CCNY: variants seen among roughly 807,000 people sequenced by gnomAD.
The protein encoded by CCNY is cyclin-Y.
Under a neutral mutation model 42.8 loss-of-function variants are expected in CCNY, and 19 were observed. The observed-to-expected ratio is 0.44, with a 90% confidence interval of 0.31 to 0.65. The LOEUF is 0.65. Among genes scored for constraint, CCNY ranks in the 30% least tolerant of loss-of-function variants. The pLI is 0.07. For missense variants in CCNY, 370 were observed against 437.3 expected, an observed-to-expected ratio of 0.85 and a Z score of 1.37; for synonymous variants, 165 against 162.7, an observed-to-expected ratio of 1.01 and a Z score of -0.11.
chr10:35,266,530 A>G (rs2095725711), intron 3 of CCNY, among the ~76,000 whole-genome samples: 1 of 151,978 alleles, frequency 6.6e-6, no homozygotes, highest in Non-Finnish European at 1.5e-5. Context: ...CTCCTGTTCT[A>G]TTACTTCCCC....
At position 35,318,176 on chromosome 10, in the gene CCNY, C is replaced by G. The variant is rs774138822; in HGVS notation, c.-9+67550C>G. ...CCAGGAGTTCTAGGCTGCAGTGAGC[C>G]ATGATTGTGCCACTGCACTCCAGCC... On this transcript the variant is annotated intron_variant, in intron 3 of 11. Coordinates refer to the CCNY transcript ENST00000374706. 2.7e-4 allele frequency among the ~76,000 whole-genome samples: 41 copies of G among 152,004 alleles called. 1 individual carries two copies. The highest frequency in any genetic ancestry group is 1.3e-4 in the Admixed American group (2 of 15,240).
chr10:35,520,448 A>G (rs981591430), intron 4 of CCNY, among the ~76,000 whole-genome samples: 2 of 152,076 alleles, frequency 1.3e-5, no homozygotes, highest in African/African-American at 4.8e-5. Context: ...AACTGATAAC[A>G]CAATCATTAA....
At chr10:35,417,437 A>G (rs1277699072) in intron 1 of CCNY, among the ~76,000 whole-genome samples, 2 of 152,202 alleles carry the variant, frequency 1.3e-5, no homozygotes, top group African/African-American at 4.8e-5. Flanking sequence ...CCATCTGTAT[A>G]ATGGGGTCAC....
chr10:35,337,816 T>A (rs1836083499), intron 1 of CCNY, among the ~76,000 whole-genome samples: 1 of 152,168 alleles, frequency 6.6e-6, no homozygotes, highest in Non-Finnish European at 1.5e-5. Flanking sequence ...TAAAAGATTG[T>A]CAGACACCTT....
chr10:35,364,551 G>A (rs1333131306), intron 1 of CCNY, among the ~76,000 whole-genome samples: 1 of 152,114 alleles, frequency 6.6e-6, no homozygotes, highest in African/African-American at 2.4e-5. Context: ...CTTTGAGTGT[G>A]TTCATAAAAG....
intron 1 of CCNY, among the ~76,000 whole-genome samples, chr10:35,475,984 C>T (rs1564425921): frequency 6.6e-6 from 1 of 152,136 alleles, no homozygotes; most frequent in African/African-American, 2.4e-5. Flanking sequence ...GCAGGGGTTG[C>T]AATCCTAGTC....
chr10:35,335,926 A>C (rs1003378187), upstream of CCNY: 21 of 134,760 alleles, frequency 1.6e-4, no homozygotes, highest in Non-Finnish European at 2.7e-4. Context: ...ACACACACAC[A>C]CCTTAGCCAG....
At chr10:35,302,972 G>C (rs1186197671) in intron 3 of CCNY, among the ~76,000 whole-genome samples, 1 of 152,184 alleles carries the variant, frequency 6.6e-6, no homozygotes, top group Non-Finnish European at 1.5e-5. Context: ...GAGGCAGGAA[G>C]ATTGCTTGAG....
intron 1 of CCNY, among the ~76,000 whole-genome samples, chr10:35,348,461 G>T (rs1377586865): frequency 6.6e-6 from 1 of 152,226 alleles, no homozygotes; most frequent in Non-Finnish European, 1.5e-5. Flanking sequence ...CACCGTGTGT[G>T]CTCTGCAGGC....
At chr10:35,502,540 C>A (rs1840132083) in intron 3 of CCNY, among the ~76,000 whole-genome samples, 1 of 152,136 alleles carries the variant, frequency 6.6e-6, no homozygotes, top group Admixed American at 6.5e-5. Flanking sequence ...TGATGCTACG[C>A]CCTTAGGAGA....
intron 1 of CCNY, among the ~76,000 whole-genome samples, chr10:35,372,309 T>C (rs1429673240): frequency 6.6e-6 from 1 of 152,210 alleles, no homozygotes; most frequent in African/African-American, 2.4e-5. Flanking sequence ...AGGAATTTAA[T>C]GCGTTAGCAG....
intron 3 of CCNY, chr10:35,314,632 T>A (rs1378695119): frequency 6.6e-6 from 1 of 152,226 alleles, no homozygotes; most frequent in Non-Finnish European, 1.5e-5. Flanking sequence ...TCCATTTTTC[T>A]CATTTTTATT....
At chr10:35,503,708 CT>C (rs1840158012) in intron 3 of CCNY, among the ~76,000 whole-genome samples, 1 of 152,244 alleles carries the variant, frequency 6.6e-6, no homozygotes, top group African/African-American at 2.4e-5. Flanking sequence ...AATGGCCATG[CT>C]AGGTAGGCAC....
chr10:35,435,507 G>A (rs922104213), intron 1 of CCNY, among the ~76,000 whole-genome samples: 1 of 152,220 alleles, frequency 6.6e-6, no homozygotes, highest in East Asian at 1.9e-4. Context: ...GGTTCTACCT[G>A]AGGATAAGTA....
chr10:35,279,644 G>A (rs546669473), intron 3 of CCNY, among the ~76,000 whole-genome samples: 10 of 152,320 alleles, frequency 6.6e-5, no homozygotes, highest in African/African-American at 2.4e-4. Flanking sequence ...ACCCCAAAGA[G>A]ATTTCAAATG....
chr10:35,537,292 G>A (rs1450541368), intron 7 of CCNY, among the ~76,000 whole-genome samples: 4 of 152,210 alleles, frequency 2.6e-5, no homozygotes, highest in South Asian at 2.1e-4. Flanking sequence ...CTTCAGGGGC[G>A]GGGCCCTCAA....
chr10:35,297,155 A>G (rs1457051078), intron 3 of CCNY, among the ~76,000 whole-genome samples: 1 of 152,090 alleles, frequency 6.6e-6, no homozygotes, highest in Non-Finnish European at 1.5e-5. Flanking sequence ...ATACACAAAT[A>G]AAAAAAGAAA....
At chr10:35,555,196 G>A (rs1268244882) in intron 8 of CCNY, among the ~76,000 whole-genome samples, 1 of 152,102 alleles carries the variant, frequency 6.6e-6, no homozygotes, top group African/African-American at 2.4e-5. Context: ...ATAACCAAGT[G>A]GGGAGGTTTA....
rs1187651524 is a variant in CCNY, at chr10:35,530,543, A to G, written c.579+300A>G. 2.0e-5 allele frequency among the ~76,000 whole-genome samples: 3 copies of G among 152,226 alleles called. No homozygotes were observed. The East Asian group carries it at 5.8e-4, about 29-fold the overall frequency. On this transcript the variant is annotated intron_variant, in intron 7 of 9. Coordinates refer to ENST00000374704, the MANE Select transcript of CCNY (RefSeq NM_145012.6). The surrounding 1 kb of genome is among the most constrained non-coding windows in gnomAD (Gnocchi z 4.3). ...AAACAGTAGGGCTAAGAGAGTGGTT[A>G]TATGGCCAAGGTACTCCCTGTATAC...
Sources: gnomAD v4.1 joint callset for allele counts (sites outside exome capture counted in the v4.1 genomes callset) on GRCh38, gnomAD v4.1.1 for gene constraint, Gnocchi (gnomAD v3.1) non-coding constraint, MANE v1.5 for transcripts, NCBI Gene and HGNC (gene_info 2026-07-23, HGNC 2026-07-21) for gene names.